The following MYO1F variants were observed in gnomAD, a reference collection of about 807,000 sequenced individuals.
MYO1F encodes the protein unconventional myosin-If.
In MYO1F, 60 loss-of-function variants were observed where a neutral mutation model predicts 146.6. That is an observed-to-expected ratio of 0.41 (90% confidence interval 0.33 to 0.51). The LOEUF (loss-of-function observed/expected upper bound fraction) is 0.51, where lower values mean the gene tolerates loss of function less well. Ranked by LOEUF, MYO1F falls within the 20% of genes least tolerant of loss-of-function variation. The pLI is 0.25. For missense variants in MYO1F, 1,274 were observed against 1,534.3 expected (o/e 0.83, Z 2.83); for synonymous variants, 602 against 602.1 (o/e 1.00, Z 0.00).
chr19:8,531,422 C>T (rs1318495558), intron 19 of MYO1F, among the ~76,000 whole-genome samples: 1 of 152,298 alleles, frequency 6.6e-6, no homozygotes, highest in East Asian at 1.9e-4. Context: ...AGTCATAGCT[C>T]ACTGCAGCTT....
intron 8 of MYO1F, 72 bp downstream of exon 8, chr19:8,551,668 A>C (rs1200445097): frequency 6.2e-7 from 1 of 1,611,404 alleles, no homozygotes; most frequent in Non-Finnish European, 8.5e-7. Context: ...CGGTTTCCTA[A>C]TTTGTAACTC....
rs201056652 is a variant in MYO1F at position 8,522,629 on chromosome 19, C to T, written c.3050+5G>A. Reference sequence around the variant, plus strand: ...CTCCTGGAGCTGCCCTCCCACCCCACCTACCCGGCCATGCCCTGGTCAGGC... The same window carrying T: ...CTCCTGGAGCTGCCCTCCCACCCCATCTACCCGGCCATGCCCTGGTCAGGC... On this transcript the variant is annotated splice_donor_5th_base_variant and intron_variant, in intron 26 of 27. Transcript: ENST00000644032. 1.0e-4 allele frequency: 168 copies of T among 1,613,174 alleles called. 2 individuals carry two copies. In the East Asian group the frequency reaches 3.5e-3, roughly 33 times the overall value.
At chr19:8,528,276 C>G (rs1349369748) in intron 21 of MYO1F, among the ~76,000 whole-genome samples, 1 of 152,010 alleles carries the variant, frequency 6.6e-6, no homozygotes, top group Non-Finnish European at 1.5e-5. Flanking sequence ...CGCCTGTAAT[C>G]CCAGCACTTT....
At chr19:8,555,537 G>T in intron 2 of MYO1F, 122 bp downstream of exon 2, 2 of 1,370,756 alleles carry the variant, frequency 1.5e-6, no homozygotes, top group Non-Finnish European at 2.1e-6. Context: ...TCTGTCCTCT[G>T]TGTCACCACT....
In MYO1F at chr19:8,530,480, A is replaced by G; in HGVS notation, c.2137T>C (p.Tyr713His). ...TCACCTTCCTCCCGCATCTCCTCGT[A>G]CTTCCGGACAGCCACGTGGCGCCGC... is the stretch of plus-strand genomic sequence containing the variant. ...AWRRHVAVRK[Y>H]EEMREEASNI... The change falls in exon 20 of 28, where the codon TAC becomes CAC. Residue 713 changes from tyrosine (Y) to histidine (H), a missense_variant. Tyr to His is a moderately conservative substitution (Grantham distance 83). Around this residue, in one of 2 missense-constraint regions of MYO1F, gnomAD observed 900 missense variants for 1,155.1 expected, o/e 0.78. Transcript: ENST00000644032. This position sits in a 1 kb window ranked among gnomAD's most constrained non-coding sequence, Gnocchi z 5.8. 6.2e-7 allele frequency: 1 copy of G among 1,613,628 alleles called. No homozygotes were observed. Among genetic ancestry groups the G allele is most frequent in the Non-Finnish European group, 8.5e-7 (1 of 1,179,978 alleles).
At chr19:8,545,861 C>T in intron 12 of MYO1F, 125 bp from the exon 13 acceptor site, 1 of 760,130 alleles carries the variant, frequency 1.3e-6, no homozygotes, top group South Asian at 1.4e-5. Context: ...GCCCGTCACT[C>T]CTATGTGGGC....
At chr19:8,541,493 A>G (rs376520936) in intron 15 of MYO1F, among the ~76,000 whole-genome samples, 9 of 148,272 alleles carry the variant, frequency 6.1e-5, no homozygotes, top group Admixed American at 2.0e-4. Context: ...CAGTGGCACA[A>G]TCTTGGCTCA....
At position 8,554,494 on chromosome 19, in the gene MYO1F, G is replaced by A. The variant is rs1568362244; in HGVS notation, c.309C>T (p.Asn103=). Residue 103 remains asparagine (N), a synonymous_variant, in exon 4 of 28, where the codon AAC becomes AAT. Transcript: ENST00000644032. ...MYRNMLIDCE[N]QCVIISGESG... The stretch of plus-strand genomic sequence containing the variant: ...GTCCATACCTAATGATGACACACTG[G>A]TTCTCACAGTCGATAAGCATGTTCC... 5 of 1,611,234 alleles carry A rather than the reference G, an allele frequency of 3.1e-6. No homozygotes were observed. In the East Asian group the frequency reaches 1.1e-4, roughly 36 times the overall value.
At chr19:8,548,750 G>A (rs2145907904) in intron 10 of MYO1F, among the ~76,000 whole-genome samples, 1 of 151,598 alleles carries the variant, frequency 6.6e-6, no homozygotes, top group South Asian at 2.1e-4. Flanking sequence ...ACAAGGGCCT[G>A]CCACCACGCC....
In MYO1F at chr19:8,555,804, G is replaced by A; in HGVS notation, c.4-8C>T. On this transcript the variant is annotated splice_region_variant and splice_polypyrimidine_tract_variant and intron_variant, in intron 1 of 27. Coordinates refer to ENST00000644032, the MANE Select transcript of MYO1F (RefSeq NM_012335.4). Reference sequence around the variant, plus strand: ...GAAGCGCTCCTTGCTGCCCTGGGGGGTGAGAGGGGGGTCGGGGTGAGCCCT... The same window carrying A: ...GAAGCGCTCCTTGCTGCCCTGGGGGATGAGAGGGGGGTCGGGGTGAGCCCT... The A allele has an allele frequency of 1.2e-6, 2 of 1,610,340 alleles. No homozygotes were observed. The highest frequency in any genetic ancestry group is 8.5e-7 in the Non-Finnish European group (1 of 1,178,656).
In MYO1F at chr19:8,550,342, C is replaced by G; in HGVS notation, c.919G>C (p.Ala307Pro). ...CCGCTGTCAATGCCCAGCAGGTAGG[C>G]GGGAAAGGCCAGGACTACCAGGGCA... ...VESVDLLAFPAYLLGIDSGRL... is the reference protein window; with the variant it reads ...VESVDLLAFPPYLLGIDSGRL... Residue 307 changes from alanine (A) to proline (P), a missense_variant, in exon 10 of 28, where the codon GCC (alanine) becomes CCC (proline). Ala to Pro is a conservative substitution (Grantham distance 27). This residue lies in a region of MYO1F where 900 missense variants were observed against 1,155.1 expected (regional missense o/e 0.78). Coordinates refer to ENST00000644032, the MANE Select transcript of MYO1F (RefSeq NM_012335.4). The G allele has an allele frequency of 6.2e-7, 1 of 1,612,246 alleles. No homozygotes were observed. Among genetic ancestry groups the G allele is most frequent in the Non-Finnish European group, 8.5e-7 (1 of 1,179,248 alleles).
At position 8,552,124 on chromosome 19, in the gene MYO1F, G is replaced by T; in HGVS notation, c.545C>A (p.Pro182Gln). 6.2e-7 allele frequency: 1 copy of T among 1,614,062 alleles called. No individual in the cohort carries two copies. Among genetic ancestry groups the T allele is most frequent in the East Asian group, 2.2e-5 (1 of 44,876 alleles). The stretch of plus-strand genomic sequence containing the variant: ...GAAGTTGGAGATCTTGCCCCCATCT[G>T]GCTCCCCACCTCGGCTGAACTGGAT... ...FEIQFSRGGE[P>Q]DGGKISNFLL... is the part of the protein sequence containing the mutation. Residue 182 changes from proline (P) to glutamine (Q), a missense_variant, in exon 7 of 28, where the codon CCA (proline) becomes CAA (glutamine). By Grantham distance (76) the Pro-to-Gln change is moderately conservative. Transcript: ENST00000644032.
At chr19:8,528,916 C>T (rs998192822) in intron 21 of MYO1F, among the ~76,000 whole-genome samples, 5 of 151,958 alleles carry the variant, frequency 3.3e-5, no homozygotes, top group African/African-American at 7.3e-5. Context: ...ATGTGCAAGC[C>T]GGTTGAGCTG....
At chr19:8,531,295 T>C (rs113833574) in intron 19 of MYO1F, among the ~76,000 whole-genome samples, 2,673 of 152,088 alleles carry the variant, frequency 0.018, 32 homozygotes, top group African/African-American at 0.037. Context: ...TGCGGTGAGC[T>C]GAGATTGTGC....
At chr19:8,523,409 C>A (rs963323632) in intron 25 of MYO1F, among the ~76,000 whole-genome samples, 1 of 152,080 alleles carries the variant, frequency 6.6e-6, no homozygotes, top group African/African-American at 2.4e-5. Flanking sequence ...GTGGTACAAT[C>A]GTAGCTCACT....
Position 8,544,473 on chromosome 19 carries a change from C to G in MYO1F, c.1357-9G>C. 1 of 1,604,600 alleles carries G rather than the reference C, an allele frequency of 6.2e-7. No individual in the cohort carries two copies. The highest frequency in any genetic ancestry group is 1.1e-5 in the South Asian group (1 of 90,938). On this transcript the variant is annotated splice_polypyrimidine_tract_variant and intron_variant, in intron 13 of 27. Transcript: ENST00000644032. ...ATGATGCCTGGGGGGCTCTGCGGGG[C>G]GAGCGGGAGCCAGCAGCGGCTCAGT...
chr19:8,538,235 G>A (rs1972813613), intron 16 of MYO1F, among the ~76,000 whole-genome samples: 2 of 151,390 alleles, frequency 1.3e-5, no homozygotes, highest in Non-Finnish European at 2.9e-5. Flanking sequence ...CAAAGTCCTG[G>A]GATTACAGGC....
At chr19:8,567,801 T>G (rs1396700787) in intron 1 of MYO1F, among the ~76,000 whole-genome samples, 2 of 152,154 alleles carry the variant, frequency 1.3e-5, no homozygotes. Flanking sequence ...ATCGCCGGGG[T>G]TGCTGCTGAG....
At chr19:8,566,161 C>CTTTTT (rs781059040) in intron 1 of MYO1F, among the ~76,000 whole-genome samples, 27 of 78,346 alleles carry the variant, frequency 3.4e-4, no homozygotes, top group Non-Finnish European at 3.8e-4. Flanking sequence ...CAGTCTATGT[C>CTTTTT]TTTTTTTTTT....
Sources: allele counts gnomAD v4.1 joint callset (sites outside exome capture counted in the v4.1 genomes callset), GRCh38; gene constraint gnomAD v4.1.1; regional missense constraint gnomAD v4.1.1; non-coding constraint Gnocchi (gnomAD v3.1); transcripts MANE v1.5; gene names NCBI Gene and HGNC (gene_info 2026-07-23, HGNC 2026-07-21).